The following ARHGEF11 variants were observed in gnomAD, a reference collection of about 807,000 sequenced individuals.
The protein encoded by ARHGEF11 is Rho guanine nucleotide exchange factor 11, also known as Rho guanine exchange factor (GEF) 11.
A neutral mutation model predicts 193.7 loss-of-function variants in ARHGEF11; 55 were observed. The ratio of observed to expected loss-of-function variants is 0.28; its 90% CI spans 0.23 to 0.36. The LOEUF is 0.36. Ranked by LOEUF, ARHGEF11 falls within the 10% of genes least tolerant of loss-of-function variation. The pLI is 1.00. For missense variants in ARHGEF11, 1,723 were observed against 2,005.6 expected (o/e 0.86, Z 2.69); for synonymous variants, 693 against 768.0 (o/e 0.90, Z 1.62).
At chr1:156,977,727 G>C (rs546384733) in intron 6 of ARHGEF11, among the ~76,000 whole-genome samples, 5 of 152,080 alleles carry the variant, frequency 3.3e-5, no homozygotes, top group African/African-American at 1.2e-4. Flanking sequence ...ACTTGTTTTT[G>C]TCCTTTTCTG....
At chr1:157,014,971 T>A (rs552800379) in intron 1 of ARHGEF11, among the ~76,000 whole-genome samples, 1 of 152,244 alleles carries the variant, frequency 6.6e-6, no homozygotes, top group African/African-American at 2.4e-5. Flanking sequence ...CATATGGAAC[T>A]CTCTAGGGGA....
At chr1:156,946,865 T>C in intron 27 of ARHGEF11, 71 bp downstream of exon 27, 3 of 1,461,168 alleles carry the variant, frequency 2.1e-6, no homozygotes, top group Non-Finnish European at 2.8e-6. Flanking sequence ...CCAAATTCTC[T>C]GGCCTTGGGT....
In ARHGEF11 at chr1:156,939,798, G is replaced by A. The variant is rs761796808; in HGVS notation, c.3846C>T (p.Ser1282=). Residue 1282 remains serine (S), a synonymous_variant, in exon 37 of 41, where the codon AGC becomes AGT. Coordinates refer to ENST00000368194, the MANE Select transcript of ARHGEF11 (RefSeq NM_198236.3). ...DDLTPTPSVI[S]VTSHPWDPGS... ...CTGGGTCCCAGGGGTGAGAGGTGACGCTGATGACAGAAGGTGTGGGTGTCA... is the reference window on the plus strand; with the variant it reads ...CTGGGTCCCAGGGGTGAGAGGTGACACTGATGACAGAAGGTGTGGGTGTCA... The A allele has an allele frequency of 1.2e-5, 19 of 1,613,706 alleles. No individual in the cohort carries two copies. Among genetic ancestry groups the A allele is most frequent in the South Asian group, 3.3e-5 (3 of 91,090 alleles).
At chr1:157,015,356 C>G (rs1669082198) in intron 1 of ARHGEF11, among the ~76,000 whole-genome samples, 1 of 152,162 alleles carries the variant, frequency 6.6e-6, no homozygotes, top group African/African-American at 2.4e-5. Flanking sequence ...TGGGGACGCT[C>G]ACAGGCTGTT....
chr1:157,043,613 A>C (rs1322545064), intron 1 of ARHGEF11, among the ~76,000 whole-genome samples: 5 of 152,232 alleles, frequency 3.3e-5, no homozygotes, highest in Non-Finnish European at 7.3e-5. Flanking sequence ...TGCAGAGTCA[A>C]GCTTATTAAG....
chr1:157,005,928 GA>G (rs1263467637), intron 1 of ARHGEF11, among the ~76,000 whole-genome samples: 4 of 152,194 alleles, frequency 2.6e-5, no homozygotes, highest in Admixed American at 2.0e-4. Flanking sequence ...CTCCTTGAAA[GA>G]AAAGAGTATA....
chr1:156,986,185 G>T lies in ARHGEF11; in HGVS notation c.33-12C>A, dbSNP rs750014232. Reference sequence around the variant, plus strand: ...ACAGGCTACTTAACCTGGAGAAGGAGTAAGGAAAGCATGTCAATGAGCTCA... The same window carrying T: ...ACAGGCTACTTAACCTGGAGAAGGATTAAGGAAAGCATGTCAATGAGCTCA... On this transcript the variant is annotated splice_polypyrimidine_tract_variant and intron_variant, in intron 1 of 40. Coordinates refer to ENST00000368194, the MANE Select transcript of ARHGEF11 (RefSeq NM_198236.3). 1 of 1,609,856 alleles carries T rather than the reference G, an allele frequency of 6.2e-7. No homozygotes were observed. The highest frequency in any genetic ancestry group is 1.3e-5 in the African/African-American group (1 of 74,958).
chr1:156,947,772 T>C lies in ARHGEF11; in HGVS notation c.2338A>G (p.Asn780Asp). Reference protein sequence around the residue: ...QREIDRQEVINELFVTEASHL... With the variant: ...QREIDRQEVIDELFVTEASHL... The stretch of plus-strand genomic sequence containing the variant: ...GGGCAGTGGAGCACGTTCTCACCAT[T>C]GATGACCTCTTGCCGGTCAATCTCC... The change falls in exon 25 of 41, where the codon AAT (asparagine) becomes GAT (aspartate). Residue 780 changes from asparagine to aspartate, a missense_variant. Coordinates refer to ENST00000368194, the MANE Select transcript of ARHGEF11 (RefSeq NM_198236.3). 6.2e-7 allele frequency: 1 copy of C among 1,612,948 alleles called. No homozygotes were observed. The highest frequency in any genetic ancestry group is 8.5e-7 in the Non-Finnish European group (1 of 1,179,930).
At chr1:157,042,939 T>C (rs2103116328) in intron 1 of ARHGEF11, among the ~76,000 whole-genome samples, 1 of 152,214 alleles carries the variant, frequency 6.6e-6, no homozygotes, top group African/African-American at 2.4e-5. Flanking sequence ...TTTCCAAGGG[T>C]CAAACTGCAG....
At chr1:156,984,478 G>A (rs774334803) in intron 2 of ARHGEF11, 41 bp from the exon 3 acceptor site, 1 of 1,488,402 alleles carries the variant, frequency 6.7e-7, no homozygotes, top group African/African-American at 1.4e-5. Context: ...AGTGTCACTG[G>A]GAGGTTAGTG....
intron 1 of ARHGEF11, among the ~76,000 whole-genome samples, chr1:156,997,425 G>T (rs1038331871): frequency 1.3e-5 from 2 of 152,186 alleles, no homozygotes; most frequent in African/African-American, 4.8e-5. Context: ...GAAGTAATAG[G>T]ATCAGGTTTA....
At chr1:157,043,424 A>G (rs993871908) in intron 1 of ARHGEF11, among the ~76,000 whole-genome samples, 5 of 152,156 alleles carry the variant, frequency 3.3e-5, no homozygotes, top group African/African-American at 1.2e-4. Flanking sequence ...AGTTGTACCA[A>G]TCATTTGGAG....
intron 1 of ARHGEF11, among the ~76,000 whole-genome samples, chr1:157,009,580 G>C (rs1668308905): frequency 6.6e-6 from 1 of 152,188 alleles, no homozygotes; most frequent in African/African-American, 2.4e-5. Context: ...TGGTGGTACT[G>C]AGCTAGGCTC....
chr1:157,013,037 G>A (rs1668730328), intron 1 of ARHGEF11, among the ~76,000 whole-genome samples: 1 of 152,114 alleles, frequency 6.6e-6, no homozygotes, highest in South Asian at 2.1e-4. Context: ...GGGCAGTGAT[G>A]TGGAAGAGGA....
chr1:156,972,434 C>G (rs1007971661), intron 7 of ARHGEF11, among the ~76,000 whole-genome samples: 11 of 152,206 alleles, frequency 7.2e-5, no homozygotes, highest in African/African-American at 2.4e-4. Flanking sequence ...GATGACAATA[C>G]CCGCCTCATG....
chr1:156,958,942 A>G (rs1660363174), intron 16 of ARHGEF11, 78 bp from the exon 17 acceptor site: 2 of 1,607,808 alleles, frequency 1.2e-6, no homozygotes, highest in South Asian at 1.1e-5. Context: ...GAACAAGACA[A>G]ACACATATAA....
At chr1:157,012,706 T>C (rs1668686549) in intron 1 of ARHGEF11, among the ~76,000 whole-genome samples, 2 of 152,368 alleles carry the variant, frequency 1.3e-5, no homozygotes, top group South Asian at 4.1e-4. Context: ...TCAGTATTTT[T>C]GCTAAATCAT....
chr1:156,987,140 T>C lies in ARHGEF11; in HGVS notation c.33-967A>G, dbSNP rs537216621. ...TTGGAAAAGTGTACAAGTTGCAAGT[T>C]CCTGAATCAATAGTTGCTGCCCCTC... On this transcript the variant is annotated intron_variant, in intron 1 of 40. Coordinates refer to ENST00000368194, the MANE Select transcript of ARHGEF11 (RefSeq NM_198236.3). Among the ~76,000 whole-genome samples the C allele has an allele frequency of 2.0e-5, 3 of 152,326 alleles. No individual in the cohort carries two copies. The East Asian group carries it at 5.8e-4, about 29-fold the overall frequency.
At chr1:157,002,948 A>G (rs1295572434) in intron 1 of ARHGEF11, among the ~76,000 whole-genome samples, 1 of 152,236 alleles carries the variant, frequency 6.6e-6, no homozygotes, top group Non-Finnish European at 1.5e-5. Flanking sequence ...AATAATAGAG[A>G]GAATTCATAA....
Sources: gnomAD v4.1 joint callset for allele counts (sites outside exome capture counted in the v4.1 genomes callset) on GRCh38, gnomAD v4.1.1 for gene constraint, MANE v1.5 for transcripts, NCBI Gene and HGNC (gene_info 2026-07-23, HGNC 2026-07-21) for gene names.